The following SYNE1 variants were observed in gnomAD, a reference collection of about 807,000 sequenced individuals.
The protein encoded by SYNE1 is nesprin-1.
A neutral mutation model predicts 1,111.0 loss-of-function variants in SYNE1; 616 were observed. The ratio of observed to expected loss-of-function variants is 0.55; its 90% CI spans 0.52 to 0.59. The LOEUF (loss-of-function observed/expected upper bound fraction) is 0.59. Ranked by LOEUF, SYNE1 falls within the 20% of genes least tolerant of loss-of-function variation. SYNE1 has a pLI of 0.00. For missense variants in SYNE1, 10,006 were observed against 10,417.0 expected, an observed-to-expected ratio of 0.96 and a Z score of 1.72; for synonymous variants, 3,855 against 3,825.8, an observed-to-expected ratio of 1.01 and a Z score of -0.28.
At chr6:152,463,259 C>T in intron 19 of SYNE1, 94 bp downstream of exon 19, 3 of 1,567,852 alleles carry the variant, frequency 1.9e-6, no homozygotes, top group Non-Finnish European at 2.6e-6. Context: ...CCTTAATAAA[C>T]CCGTGCTCTA....
chr6:152,560,648 C>T (rs1296747799), intron 3 of SYNE1, among the ~76,000 whole-genome samples: 2 of 152,084 alleles, frequency 1.3e-5, no homozygotes, highest in East Asian at 3.9e-4. Context: ...AAATTACAAG[C>T]CAATATCCCT....
intron 89 of SYNE1, 98 bp downstream of exon 89, chr6:152,310,298 A>C: frequency 6.5e-7 from 1 of 1,528,716 alleles, no homozygotes; most frequent in Non-Finnish European, 8.9e-7. Context: ...AATTAAAAAA[A>C]ATAAAACAGT....
Position 152,311,775 on chromosome 6 carries a change from A to ATTTTTT in SYNE1, c.16711-903_16711-902insAAAAAA, listed in dbSNP as rs762825816. The stretch of plus-strand genomic sequence containing the variant: ...GGATATTATTCTTAGGCAATAGACT[A>ATTTTTT]TTTATTTATTTCTTTTTTGAGACGG... On this transcript the variant is annotated intron_variant, in intron 87 of 145. Transcript: ENST00000367255. Among the ~76,000 whole-genome samples the ATTTTTT allele has an allele frequency of 2.2e-5, 3 of 139,322 alleles. 1 individual carries two copies. Among genetic ancestry groups the ATTTTTT allele is most frequent in the Non-Finnish European group, 3.1e-5 (2 of 64,062 alleles). 91.4% of individuals were successfully genotyped at this position (139,322 alleles called of 152,430 possible).
rs375899870 is a variant in SYNE1, at chr6:152,530,030, A to G, written c.130-3855T>C. Among the ~76,000 whole-genome samples, 13 of 152,346 alleles carry G rather than the reference A, an allele frequency of 8.5e-5. No individual in the cohort carries two copies. The South Asian group carries it at 2.3e-3, about 27-fold the overall frequency. ...AAACAAAAACTGATGTTCACTATAA[A>G]TATAGTGTGGCTCAAGGTCTCAGGC... On this transcript the variant is annotated intron_variant, in intron 4 of 145. Transcript: ENST00000367255.
In SYNE1 at chr6:152,442,367, A is replaced by C. The variant is rs76390128; in HGVS notation, c.3838-122T>G. ...GGGCCCGAAATGTATTTTAAAGCTA[A>C]GATTAACAGTTGAAATGGTAGTCGG... On this transcript the variant is annotated intron_variant, in intron 30 of 145. Coordinates refer to ENST00000367255, the MANE Select transcript of SYNE1 (RefSeq NM_182961.4). The C allele has an allele frequency of 5.5e-3, 6,268 of 1,133,214 alleles. 272 individuals carry two copies. The African/African-American group carries it at 0.083, about 15-fold the overall frequency. The allele number at this position is 1,133,214 out of a possible 1,614,324, so 70.2% of individuals were successfully genotyped here.
intron 11 of SYNE1, among the ~76,000 whole-genome samples, chr6:152,489,289 C>T (rs1377710585): frequency 6.6e-6 from 1 of 152,116 alleles, no homozygotes; most frequent in Non-Finnish European, 1.5e-5. Context: ...TTACAAAATG[C>T]AACTCCAGCA....
intron 4 of SYNE1, among the ~76,000 whole-genome samples, chr6:152,533,445 A>C (rs1159678568): frequency 1.3e-5 from 2 of 152,108 alleles, no homozygotes; most frequent in East Asian, 3.9e-4. Context: ...TATTGTACCA[A>C]GTTATTTATT....
intron 3 of SYNE1, among the ~76,000 whole-genome samples, chr6:152,572,661 A>C (rs756478990): frequency 2.6e-5 from 4 of 152,204 alleles, no homozygotes; most frequent in Non-Finnish European, 5.9e-5. Flanking sequence ...TCGTTCCAGA[A>C]AAAGTCTTTC....
chr6:152,471,161 T>TA (rs1372097588), intron 16 of SYNE1, among the ~76,000 whole-genome samples: 2 of 151,764 alleles, frequency 1.3e-5, no homozygotes, highest in Non-Finnish European at 2.9e-5. Context: ...GGACACAATC[T>TA]AAAAAAAATA....
chr6:152,497,193 C>T (rs1362336124), intron 11 of SYNE1, among the ~76,000 whole-genome samples: 2 of 152,194 alleles, frequency 1.3e-5, no homozygotes, highest in Non-Finnish European at 2.9e-5. Flanking sequence ...TTTTTAATCT[C>T]CATCATCTAA....
chr6:152,421,746 C>T (rs2098264691), intron 39 of SYNE1, among the ~76,000 whole-genome samples: 2 of 151,104 alleles, frequency 1.3e-5, no homozygotes, highest in South Asian at 4.2e-4. Flanking sequence ...ACTCTTGTTG[C>T]CCAGGCTGGA....
intron 124 of SYNE1, among the ~76,000 whole-genome samples, chr6:152,211,151 T>C (rs1007008205): frequency 6.6e-6 from 1 of 152,210 alleles, no homozygotes; most frequent in Non-Finnish European, 1.5e-5. Flanking sequence ...TGTAATTATA[T>C]AAGAATATTA....
chr6:152,557,303 C>T (rs2099369560), intron 3 of SYNE1, among the ~76,000 whole-genome samples: 1 of 151,778 alleles, frequency 6.6e-6, no homozygotes, highest in Admixed American at 6.6e-5. Flanking sequence ...GAGAAGAAAG[C>T]CTATGGAACA....
At position 152,136,638 on chromosome 6, in the gene SYNE1, C is replaced by T; in HGVS notation, c.25639G>A (p.Asp8547Asn). 1 of 1,613,806 alleles carries T rather than the reference C, an allele frequency of 6.2e-7. No individual in the cohort carries two copies. The highest frequency in any genetic ancestry group is 8.5e-7 in the Non-Finnish European group (1 of 1,180,042). Residue 8547 changes from aspartate to asparagine, a missense_variant, in exon 141 of 146, where the codon GAT becomes AAT. By Grantham distance (23) the Asp-to-Asn change is conservative (BLOSUM62 1). This residue lies in a region of SYNE1 where 761 missense variants were observed against 795.5 expected (regional missense o/e 0.96). Coordinates refer to ENST00000367255, the MANE Select transcript of SYNE1 (RefSeq NM_182961.4). ...LLEEWRGLLQ[D>N]ALMQCQGFHE... is the part of the protein sequence containing the mutation. ...CAGACCTGGCACTGCATCAGGGCAT[C>T]CTGCAGCAGGCCCCGCCACTCCTCC...
chr6:152,179,568 T>C (rs117391865), intron 129 of SYNE1: 1 of 150,426 alleles, frequency 6.6e-6, no homozygotes, highest in Admixed American at 6.6e-5. Context: ...CCCCAAATAC[T>C]GAACTGAATA....
intron 84 of SYNE1, among the ~76,000 whole-genome samples, chr6:152,320,891 A>G (rs929779395): frequency 1.3e-5 from 2 of 152,108 alleles, no homozygotes; most frequent in Admixed American, 6.6e-5. Flanking sequence ...ATTTTGTTGC[A>G]CTGCTGAAAT....
In SYNE1 at chr6:152,465,491, A is replaced by G. The variant is rs764743444; in HGVS notation, c.1730-31T>C. ...ACAGATAAAACCAATTATAACCCTT[A>G]TCTCATATTTTAAATCCTCTACACC... On this transcript the variant is annotated intron_variant, in intron 17 of 145. Transcript: ENST00000367255. 8.8e-6 allele frequency: 14 copies of G among 1,591,668 alleles called. 1 individual carries two copies. In the East Asian group the frequency reaches 9.1e-5, roughly 10 times the overall value.
At chr6:152,145,704 C>A in intron 137 of SYNE1, 1 of 705,988 alleles carries the variant, frequency 1.4e-6, no homozygotes, top group Non-Finnish European at 2.5e-6. Context: ...TGCAGGCTCA[C>A]CAAAGCTTTC....
At chr6:152,219,401 C>T (rs919772144) in intron 119 of SYNE1, among the ~76,000 whole-genome samples, 4 of 151,282 alleles carry the variant, frequency 2.6e-5, no homozygotes, top group Non-Finnish European at 5.9e-5. Flanking sequence ...CACATATAAC[C>T]TATGGCTATA....
Sources: gnomAD v4.1 joint callset for allele counts (sites outside exome capture counted in the v4.1 genomes callset) on GRCh38, gnomAD v4.1.1 for gene constraint, gnomAD v4.1.1 regional missense constraint, MANE v1.5 for transcripts, NCBI Gene and HGNC (gene_info 2026-07-23, HGNC 2026-07-21) for gene names.